Variants in GRIA2 observed in about 807,000 individuals in gnomAD.
GRIA2 encodes glutamate receptor 2.
GRIA2 carries 14 observed loss-of-function variants against 97.3 expected under a neutral mutation model. The ratio of observed to expected loss-of-function variants is 0.14; its 90% CI spans 0.10 to 0.23. The LOEUF is 0.23. Ranked by LOEUF, GRIA2 falls within the 10% of genes least tolerant of loss-of-function variation. The probability of loss-of-function intolerance (pLI) is 1.00; values close to 1 mark genes in which losing one functional copy is unlikely to be tolerated. For missense variants in GRIA2, 558 were observed against 1,069.8 expected, an observed-to-expected ratio of 0.52 and a Z score of 6.67; for synonymous variants, 412 against 387.8, an observed-to-expected ratio of 1.06 and a Z score of -0.73.
intron 2 of GRIA2, among the ~76,000 whole-genome samples, chr4:157,258,994 G>C (rs1731407239): frequency 6.6e-6 from 1 of 151,994 alleles, no homozygotes; most frequent in African/African-American, 2.4e-5. Flanking sequence ...AGACAGGACA[G>C]GATGATTGCT....
intron 2 of GRIA2, among the ~76,000 whole-genome samples, chr4:157,272,516 G>C (rs1732079760): frequency 6.6e-6 from 1 of 152,056 alleles, no homozygotes; most frequent in South Asian, 2.1e-4. Context: ...AAATCTTTGA[G>C]TTAAAAACTC....
chr4:157,249,743 T>C (rs931313250), intron 2 of GRIA2: 1 of 152,162 alleles, frequency 6.6e-6, no homozygotes. Flanking sequence ...TCTGAGCCCA[T>C]TGTAGACGCT....
At chr4:157,241,376 T>C (rs936425564) in intron 2 of GRIA2, among the ~76,000 whole-genome samples, 5 of 152,142 alleles carry the variant, frequency 3.3e-5, no homozygotes, top group Non-Finnish European at 7.4e-5. Flanking sequence ...TTCACAGTGA[T>C]GTATCTAAAT....
intron 2 of GRIA2, among the ~76,000 whole-genome samples, chr4:157,285,722 G>A (rs1199569809): frequency 6.6e-6 from 1 of 151,446 alleles, no homozygotes; most frequent in Non-Finnish European, 1.5e-5. Flanking sequence ...TCTGTGTACT[G>A]TACTGGTGTA....
At position 157,365,929 on chromosome 4, in the gene GRIA2, A is replaced by G; in HGVS notation, c.*2498A>G. On this transcript the variant is annotated 3_prime_UTR_variant, in exon 16 of 16. Transcript: ENST00000264426. The stretch of plus-strand genomic sequence containing the variant: ...AAGACATACACTTTCTATAACTTCT[A>G]TTGAAGATATTGGAATTTCCAATTT... 1 of 151,766 alleles carries G rather than the reference A, an allele frequency of 6.6e-6. No individual in the cohort carries two copies. Among genetic ancestry groups the G allele is most frequent in the African/African-American group, 2.4e-5 (1 of 41,488 alleles). The allele number at this position is 151,766 out of a possible 1,614,324, so 9.4% of individuals were successfully genotyped here. A position where few individuals can be genotyped will look rare whatever the true frequency, so the allele number is the denominator to read the frequency against.
chr4:157,272,497 A>G (rs1204549794), intron 2 of GRIA2, among the ~76,000 whole-genome samples: 1 of 152,000 alleles, frequency 6.6e-6, no homozygotes, highest in Non-Finnish European at 1.5e-5. Flanking sequence ...TTGCAGGCTC[A>G]GTGTGGATAA....
At chr4:157,245,335 A>G (rs1007511032) in intron 2 of GRIA2, among the ~76,000 whole-genome samples, 1 of 151,864 alleles carries the variant, frequency 6.6e-6, no homozygotes, top group Non-Finnish European at 1.5e-5. Context: ...TTGCTTGTGG[A>G]AAAAAAATAC....
intron 2 of GRIA2, among the ~76,000 whole-genome samples, chr4:157,230,507 C>T (rs1233188428): frequency 6.6e-6 from 1 of 151,382 alleles, no homozygotes; most frequent in African/African-American, 2.4e-5. Context: ...TCCTTCCTTC[C>T]TTCCTTCTTT....
Position 157,275,447 on chromosome 4 carries a change from C to T in GRIA2, c.230-28105C>T, listed in dbSNP as rs150912875. 7.9e-3 allele frequency among the ~76,000 whole-genome samples: 1,205 copies of T among 152,234 alleles called. 12 individuals are homozygous for T. The highest frequency in any genetic ancestry group is 0.028 in the African/African-American group (1,145 of 41,552). ...TTTAGTCATGAAGTCCTTGCCCATGCCTATGACCTGAATGGTATTGCCTAG... is the reference window on the plus strand; with the variant it reads ...TTTAGTCATGAAGTCCTTGCCCATGTCTATGACCTGAATGGTATTGCCTAG... On this transcript the variant is annotated intron_variant, in intron 2 of 15. Coordinates refer to ENST00000264426, the MANE Select transcript of GRIA2 (RefSeq NM_001083619.3).
chr4:157,276,883 A>G (rs953367365), intron 2 of GRIA2, among the ~76,000 whole-genome samples: 7 of 152,008 alleles, frequency 4.6e-5, no homozygotes, highest in Non-Finnish European at 7.4e-5. Flanking sequence ...ACAATTGAAT[A>G]AACCTATGTC....
intron 6 of GRIA2, among the ~76,000 whole-genome samples, chr4:157,325,960 G>C (rs960933055): frequency 6.6e-6 from 1 of 152,044 alleles, no homozygotes; most frequent in Non-Finnish European, 1.5e-5. Context: ...TGTTCCAAAT[G>C]CTCCAATGTC....
intron 2 of GRIA2, among the ~76,000 whole-genome samples, chr4:157,285,172 G>A (rs1732781222): frequency 6.6e-6 from 1 of 150,686 alleles, no homozygotes. Context: ...TAGTGTAGAT[G>A]AGCATCTTCT....
At chr4:157,293,710 T>C (rs1249390863) in intron 2 of GRIA2, among the ~76,000 whole-genome samples, 2 of 152,092 alleles carry the variant, frequency 1.3e-5, no homozygotes, top group Non-Finnish European at 1.5e-5. Flanking sequence ...AAAAACAAAA[T>C]AAGCTACAAA....
intron 6 of GRIA2, among the ~76,000 whole-genome samples, chr4:157,324,879 A>C (rs143141342): frequency 3.9e-4 from 59 of 152,306 alleles, no homozygotes; most frequent in Non-Finnish European, 4.6e-4. Context: ...ATTTGCTTAC[A>C]GAAAGGGAGT....
rs1386814916 is a variant in GRIA2 at position 157,361,168 on chromosome 4, A to G, written c.2406+44A>G. On this transcript the variant is annotated intron_variant, in intron 14 of 15. Coordinates refer to ENST00000264426, the MANE Select transcript of GRIA2 (RefSeq NM_001083619.3). The surrounding 1 kb of genome is among the most constrained non-coding windows in gnomAD (Gnocchi z 5.2). ...AGTAATGGGTAACTCAATGCAAAACAAAGTAAGCAGCAGCTATGCACAGTG... is the reference window on the plus strand; with the variant it reads ...AGTAATGGGTAACTCAATGCAAAACGAAGTAAGCAGCAGCTATGCACAGTG... The G allele has an allele frequency of 7.0e-7, 1 of 1,433,598 alleles. No individual in the cohort carries two copies. The highest frequency in any genetic ancestry group is 9.8e-7 in the Non-Finnish European group (1 of 1,016,950). 88.8% of individuals were successfully genotyped at this position (1,433,598 alleles called of 1,614,324 possible). A position where few individuals can be genotyped will look rare whatever the true frequency, so the allele number is the denominator to read the frequency against.
At chr4:157,351,890 G>C (rs959789027) in intron 12 of GRIA2, among the ~76,000 whole-genome samples, 1 of 152,176 alleles carries the variant, frequency 6.6e-6, no homozygotes, top group Non-Finnish European at 1.5e-5. Context: ...CAGCCATGCT[G>C]AACTGTGAGA....
At chr4:157,305,909 A>G (rs185823160) in intron 3 of GRIA2, among the ~76,000 whole-genome samples, 2 of 152,240 alleles carry the variant, frequency 1.3e-5, no homozygotes, top group South Asian at 2.1e-4. Flanking sequence ...GCTCCAGGAA[A>G]AGAGTGCCCA....
At chr4:157,233,958 A>G (rs1238213015) in intron 2 of GRIA2, among the ~76,000 whole-genome samples, 1 of 152,152 alleles carries the variant, frequency 6.6e-6, no homozygotes, top group Non-Finnish European at 1.5e-5. Flanking sequence ...TGGCTACAAA[A>G]CAAGTTGGCT....
chr4:157,338,398 G>A (rs146500177), intron 11 of GRIA2, among the ~76,000 whole-genome samples: 14 of 152,032 alleles, frequency 9.2e-5, no homozygotes, highest in Middle Eastern at 3.4e-3. Flanking sequence ...AGATGCCTGC[G>A]CCTGGGCATG....
Sources: allele counts gnomAD v4.1 joint callset (sites outside exome capture counted in the v4.1 genomes callset), GRCh38; gene constraint gnomAD v4.1.1; non-coding constraint Gnocchi (gnomAD v3.1); transcripts MANE v1.5; gene names NCBI Gene and HGNC (gene_info 2026-07-23, HGNC 2026-07-21).